SHC2: variants seen among roughly 807,000 people sequenced by gnomAD.
The protein encoded by SHC2 is SHC-transforming protein 2.
SHC2 carries 62 observed loss-of-function variants against 60.6 expected under a neutral mutation model. The ratio of observed to expected loss-of-function variants is 1.02; its 90% CI spans 0.83 to 1.26. The LOEUF (loss-of-function observed/expected upper bound fraction) is 1.26. Ranked by LOEUF, SHC2 falls within the 50% of genes most tolerant of loss-of-function variation. The probability of loss-of-function intolerance (pLI) is 0.00; values close to 1 mark genes in which losing one functional copy is unlikely to be tolerated. For missense variants in SHC2, 873 were observed against 822.2 expected (o/e 1.06, Z -0.76); for synonymous variants, 375 against 372.4 (o/e 1.01, Z -0.08).
At position 447,538 on chromosome 19, in the gene SHC2, G is replaced by C. The variant is rs187602165; in HGVS notation, c.469-6606C>G. Among the ~76,000 whole-genome samples, 1,120 of 152,362 alleles carry C rather than the reference G, an allele frequency of 7.4e-3. 7 individuals carry two copies. Among genetic ancestry groups the C allele is most frequent in the South Asian group, 0.012 (59 of 4,830 alleles). ...TCAGGCCTGCAATCCCAGCACTTTG[G>C]GAGGCCGAGGCGGGCGGCTCACCTG... On this transcript the variant is annotated intron_variant, in intron 1 of 12. Coordinates refer to ENST00000264554, the MANE Select transcript of SHC2 (RefSeq NM_012435.3).
Position 441,033 on chromosome 19 carries a change from C to A in SHC2, c.469-101G>T. The A allele has an allele frequency of 6.5e-7, 1 of 1,529,366 alleles. No homozygotes were observed. The highest frequency in any genetic ancestry group is 9.0e-7 in the Non-Finnish European group (1 of 1,115,524). The allele number at this position is 1,529,366 out of a possible 1,614,324, so 94.7% of individuals were successfully genotyped here. The stretch of plus-strand genomic sequence containing the variant: ...TCGCCGCCTCCACCACCCCTGGGGT[C>A]GAGCCCTTTCCTCTGTCCCTGGTGG... On this transcript the variant is annotated intron_variant, in intron 1 of 12. Transcript: ENST00000264554. The surrounding 1 kb of genome is among the most constrained non-coding windows in gnomAD (Gnocchi z 4.9).
chr19:439,330 C>A, intron 2 of SHC2: 1 of 491,810 alleles, frequency 2.0e-6, no homozygotes, highest in Non-Finnish European at 3.7e-6. Flanking sequence ...CCAGCTCTGG[C>A]CCCTCTACCA....
chr19:418,588 TGA>T (rs1337581290), intron 12 of SHC2, among the ~76,000 whole-genome samples: 3 of 152,062 alleles, frequency 2.0e-5, no homozygotes, highest in Non-Finnish European at 4.4e-5. Context: ...TCACGCTCAG[TGA>T]GAGACGCCAG....
Position 422,334 on chromosome 19 carries a change from T to TGGGGGCCAC in SHC2, c.1423_1431dup (p.Val475_Pro477dup). On this transcript the variant is annotated inframe_insertion, in exon 11 of 13. Transcript: ENST00000264554. The surrounding 1 kb of genome is among the most constrained non-coding windows in gnomAD (Gnocchi z 5.0). Reference sequence around the variant, plus strand: ...GGCTCCTGACGCAGCTGTTCCTCCGTGGGGGCCACAGGGGCCCGGCGGGTA... The same window carrying TGGGGGCCAC: ...GGCTCCTGACGCAGCTGTTCCTCCGTGGGGGCCACGGGGGCCACAGGGGCCCGGCGGGTA... The TGGGGGCCAC allele has an allele frequency of 6.2e-7, 1 of 1,610,222 alleles. No individual in the cohort carries two copies. Among genetic ancestry groups the TGGGGGCCAC allele is most frequent in the Non-Finnish European group, 8.5e-7 (1 of 1,178,926 alleles).
chr19:448,703 G>C (rs1429881289), intron 1 of SHC2, among the ~76,000 whole-genome samples: 2 of 152,176 alleles, frequency 1.3e-5, no homozygotes, highest in African/African-American at 4.8e-5. Context: ...GCACCCCTCT[G>C]TGCGTCCTGC....
At chr19:455,954 AGGGTGGATGTGGACACG>A (rs1225433925) in intron 1 of SHC2, among the ~76,000 whole-genome samples, 2 of 129,696 alleles carry the variant, frequency 1.5e-5, no homozygotes, top group African/African-American at 8.1e-5. Flanking sequence ...ACAGAATCCG[AGGGTGGATGTGGACACG>A]GGGCCGTTGC....
intron 1 of SHC2, among the ~76,000 whole-genome samples, chr19:449,121 T>C (rs1411894437): frequency 1.3e-5 from 2 of 152,140 alleles, no homozygotes; most frequent in African/African-American, 4.8e-5. Context: ...TGAGCCGAGA[T>C]GGTGCCACTG....
Position 429,653 on chromosome 19 carries a change from C to T in SHC2, c.1174+1031G>A, listed in dbSNP as rs1352095250. 5.1e-4 allele frequency among the ~76,000 whole-genome samples: 57 copies of T among 112,360 alleles called. 1 individual carries two copies. The highest frequency in any genetic ancestry group is 9.9e-4 in the Non-Finnish European group (51 of 51,452). The allele number at this position is 112,360 out of a possible 152,430, so 73.7% of individuals were successfully genotyped here. On this transcript the variant is annotated intron_variant, in intron 9 of 12. Transcript: ENST00000264554. ...ACACAGTACCTATACCCAACATGCACGGAAATCTCATACCGTGTGGATGAC... is the reference window on the plus strand; with the variant it reads ...ACACAGTACCTATACCCAACATGCATGGAAATCTCATACCGTGTGGATGAC...
At chr19:421,260 C>T (rs1439426166) in intron 11 of SHC2, among the ~76,000 whole-genome samples, 2 of 151,494 alleles carry the variant, frequency 1.3e-5, no homozygotes, top group East Asian at 1.9e-4. Context: ...ATTAGCCGGG[C>T]GTGGTGGTGG....
chr19:429,640 T>C (rs12982284), intron 9 of SHC2, among the ~76,000 whole-genome samples: 9 of 109,660 alleles, frequency 8.2e-5, no homozygotes, highest in East Asian at 2.3e-4. Context: ...ACAGTACCTA[T>C]ACCCAACATG....
chr19:455,451 G>C (rs781274205), intron 1 of SHC2, among the ~76,000 whole-genome samples: 1 of 152,204 alleles, frequency 6.6e-6, no homozygotes, highest in African/African-American at 2.4e-5. Flanking sequence ...CGTGAGCCTC[G>C]GCGCCGGAGG....
chr19:455,216 C>G (rs556107703), intron 1 of SHC2, among the ~76,000 whole-genome samples: 2 of 152,332 alleles, frequency 1.3e-5, no homozygotes, highest in East Asian at 3.9e-4. Context: ...GGGTTCTTCT[C>G]GCAGGAGACA....
At position 438,144 on chromosome 19, in the gene SHC2, C is replaced by T. The variant is rs536641193; in HGVS notation, c.720+574G>A. On this transcript the variant is annotated intron_variant, in intron 4 of 12. Coordinates refer to ENST00000264554, the MANE Select transcript of SHC2 (RefSeq NM_012435.3). The surrounding 1 kb of genome is among the most constrained non-coding windows in gnomAD (Gnocchi z 5.0). Reference sequence around the variant, plus strand: ...GATTACAGGCGCCCACCACCACACCCGGCTAATCTTTGTATTTTTTGTAGA... The same window carrying T: ...GATTACAGGCGCCCACCACCACACCTGGCTAATCTTTGTATTTTTTGTAGA... 8.5e-5 allele frequency among the ~76,000 whole-genome samples: 13 copies of T among 152,196 alleles called. 1 individual carries two copies. The highest frequency in any genetic ancestry group is 7.7e-4 in the East Asian group (4 of 5,176).
rs1328003864 is a variant in SHC2 at position 425,636 on chromosome 19, T to C, written c.1175-405A>G. Among the ~76,000 whole-genome samples, 1 of 152,268 alleles carries C rather than the reference T, an allele frequency of 6.6e-6. No homozygotes were observed. The highest frequency in any genetic ancestry group is 1.9e-4 in the East Asian group (1 of 5,202). ...CAGTAACTCTGCTTCCCTGTAATTATGCTATCAACATGACGCACGGAGGGT... is the reference window on the plus strand; with the variant it reads ...CAGTAACTCTGCTTCCCTGTAATTACGCTATCAACATGACGCACGGAGGGT... On this transcript the variant is annotated intron_variant, in intron 9 of 12. Transcript: ENST00000264554. The surrounding 1 kb of genome is among the most constrained non-coding windows in gnomAD (Gnocchi z 4.1).
Position 425,136 on chromosome 19 carries a change from CG to C in SHC2, c.1269del (p.Glu424SerfsTer20). The C allele has an allele frequency of 2.9e-6, 4 of 1,398,406 alleles. No homozygotes were observed. Among genetic ancestry groups the C allele is most frequent in the Admixed American group, 2.8e-5 (1 of 36,248 alleles). The allele number at this position is 1,398,406 out of a possible 1,614,324, so 86.6% of individuals were successfully genotyped here. A position where few individuals can be genotyped will look rare whatever the true frequency, so the allele number is the denominator to read the frequency against. ...TCCTTTTTGGGGCTGTCCTCCGGCTCGGGGGCGTCCAGACCCTGGGTGTTGA... is the reference window on the plus strand; with the variant it reads ...TCCTTTTTGGGGCTGTCCTCCGGCTCGGGGCGTCCAGACCCTGGGTGTTGA... ...LYVNTQGLDA[P>X]EPEDSPKKDL... On this transcript the variant is annotated frameshift_variant, in exon 10 of 13. Transcript: ENST00000264554. LOFTEE classifies it high-confidence loss of function. This position sits in a 1 kb window ranked among gnomAD's most constrained non-coding sequence, Gnocchi z 4.1.
At chr19:436,577 G>A (rs774877859) in intron 5 of SHC2, 53 bp downstream of exon 5, 30 of 1,588,710 alleles carry the variant, frequency 1.9e-5, no homozygotes, top group South Asian at 5.6e-5. Context: ...AGAGGGTCTC[G>A]CGGCCGGAGG....
intron 7 of SHC2, 136 bp from the exon 8 acceptor site, chr19:435,001 C>T (rs925136700): frequency 1.8e-5 from 16 of 869,206 alleles, no homozygotes; most frequent in African/African-American, 1.4e-4. Flanking sequence ...GGGTTCCTAC[C>T]GGGAAACGCT....
chr19:439,037 T>A lies in SHC2; in HGVS notation c.540-7A>T. The A allele has an allele frequency of 6.6e-7, 1 of 1,525,474 alleles. No homozygotes were observed. Among genetic ancestry groups the A allele is most frequent in the South Asian group, 1.2e-5 (1 of 85,610 alleles). The allele number at this position is 1,525,474 out of a possible 1,614,324, so 94.5% of individuals were successfully genotyped here. A position where few individuals can be genotyped will look rare whatever the true frequency, so the allele number is the denominator to read the frequency against. ...GAGCCGGTTGATGGCTTCCCTGGGG[T>A]TGGGAGGAGGGGGCTTAGAGAGTGT... On this transcript the variant is annotated splice_region_variant and splice_polypyrimidine_tract_variant and intron_variant, in intron 2 of 12. Coordinates refer to ENST00000264554, the MANE Select transcript of SHC2 (RefSeq NM_012435.3).
In SHC2 at chr19:422,238, G is replaced by A. The variant is rs2287960; in HGVS notation, c.1528C>T (p.Arg510Ter). 29 of 1,612,128 alleles carry A rather than the reference G, an allele frequency of 1.8e-5. No homozygotes were observed. The highest frequency in any genetic ancestry group is 5.5e-5 in the South Asian group (5 of 90,930). Reference protein sequence around the residue: ...MLRADGDFLVRDSVTNPGQYV... With the variant: ...MLRADGDFLV ...TGCCCGGGGTTGGTGACGCTGTCTC[G>A]CACAAGGAAGTCCCCGTCAGCTCGA... The change falls in exon 11 of 13, where the codon CGA (arginine) becomes TGA (stop). Residue 510 changes from arginine to a stop codon, truncating the protein, a stop_gained. Transcript: ENST00000264554. LOFTEE classifies it high-confidence loss of function. The surrounding 1 kb of genome is among the most constrained non-coding windows in gnomAD (Gnocchi z 5.0).
Sources: allele counts gnomAD v4.1 joint callset (sites outside exome capture counted in the v4.1 genomes callset), GRCh38; gene constraint gnomAD v4.1.1; non-coding constraint Gnocchi (gnomAD v3.1); transcripts MANE v1.5; gene names NCBI Gene and HGNC (gene_info 2026-07-23, HGNC 2026-07-21).